Variants in ERC1 observed in about 807,000 individuals in gnomAD.
ERC1 encodes RAB6 interacting protein 2.
A neutral mutation model predicts 132.0 loss-of-function variants in ERC1; 56 were observed. That is an observed-to-expected ratio of 0.42 (90% CI 0.34 to 0.53). The LOEUF is 0.53. Among genes scored for constraint, ERC1 ranks in the 20% least tolerant of loss-of-function variants. ERC1 has a pLI of 0.03. For synonymous variants in ERC1, 478 were observed against 476.1 expected (o/e 1.00, Z -0.05); for missense variants, 1,202 against 1,349.9 (o/e 0.89, Z 1.72).
chr12:1,048,887 A>G (rs1457267849), intron 2 of ERC1, among the ~76,000 whole-genome samples: 1 of 152,198 alleles, frequency 6.6e-6, no homozygotes, highest in Admixed American at 6.5e-5. Flanking sequence ...GTGGTATTGA[A>G]CTTGTGATTG....
intron 17 of ERC1, among the ~76,000 whole-genome samples, chr12:1,438,290 G>A (rs942141415): frequency 6.6e-6 from 1 of 152,120 alleles, no homozygotes; most frequent in Non-Finnish European, 1.5e-5. Flanking sequence ...TTATTTTCTC[G>A]CATCTTTTAC....
chr12:1,255,067 A>G (rs566451485), intron 13 of ERC1, among the ~76,000 whole-genome samples: 52 of 150,886 alleles, frequency 3.4e-4, no homozygotes, highest in Middle Eastern at 3.4e-3. Flanking sequence ...TACATTAGCT[A>G]TTTTCTCCTA....
At chr12:1,364,472 A>G (rs1319134400) in intron 15 of ERC1, among the ~76,000 whole-genome samples, 2 of 152,210 alleles carry the variant, frequency 1.3e-5, no homozygotes, top group Middle Eastern at 3.2e-3. Context: ...TTTATTCCTT[A>G]GGCCACCATT....
At chr12:1,471,841 A>C (rs1414861515) in intron 18 of ERC1, among the ~76,000 whole-genome samples, 4 of 152,182 alleles carry the variant, frequency 2.6e-5, no homozygotes, top group African/African-American at 7.2e-5. Flanking sequence ...CTTTTTCTCC[A>C]TGGAGAGCTT....
intron 7 of ERC1, among the ~76,000 whole-genome samples, chr12:1,119,113 A>C (rs774245157): frequency 9.2e-5 from 14 of 152,178 alleles, no homozygotes; most frequent in Admixed American, 2.6e-4. Flanking sequence ...TCCTGAGCTC[A>C]AGCAATCCTC....
At chr12:1,160,014 G>T (rs1951744298) in intron 8 of ERC1, among the ~76,000 whole-genome samples, 2 of 152,240 alleles carry the variant, frequency 1.3e-5, no homozygotes, top group Middle Eastern at 3.4e-3. Flanking sequence ...ATTTCATTCA[G>T]CCAATTACTC....
At chr12:1,149,764 T>C (rs778074191) in intron 8 of ERC1, among the ~76,000 whole-genome samples, 2 of 152,150 alleles carry the variant, frequency 1.3e-5, no homozygotes, top group Admixed American at 6.5e-5. Context: ...TAGAGACAAA[T>C]ACATAGATAT....
At chr12:1,263,442 C>T (rs1041526483) in intron 14 of ERC1, among the ~76,000 whole-genome samples, 3 of 152,038 alleles carry the variant, frequency 2.0e-5, no homozygotes, top group Non-Finnish European at 2.9e-5. Flanking sequence ...GTGCCCTGTT[C>T]CTAGATAAAT....
intron 7 of ERC1, among the ~76,000 whole-genome samples, chr12:1,137,469 A>G (rs1002449049): frequency 5.3e-5 from 8 of 152,104 alleles, no homozygotes; most frequent in African/African-American, 7.2e-5. Flanking sequence ...TCACAGTTTT[A>G]TCATCTTTTA....
intron 14 of ERC1, among the ~76,000 whole-genome samples, chr12:1,270,332 C>T (rs1415490236): frequency 6.6e-6 from 1 of 152,102 alleles, no homozygotes; most frequent in Non-Finnish European, 1.5e-5. Flanking sequence ...CTCAGCCTCC[C>T]AAGTAGCTGG....
rs1476750163 is a variant in ERC1 at position 1,444,725 on chromosome 12, A to G, written c.3188A>G (p.Glu1063Gly). The change falls in exon 18 of 19, where the codon GAG becomes GGG. Residue 1063 changes from glutamate (E) to glycine (G), a missense_variant. Transcript: ENST00000360905. ...LDDDQAAWEN[E>G]LQKMTRGQLQ... ...GATGACCAGGCGGCTTGGGAGAATGAGCTGCAGAAGATGACCCGGGGGCAG... is the reference window on the plus strand; with the variant it reads ...GATGACCAGGCGGCTTGGGAGAATGGGCTGCAGAAGATGACCCGGGGGCAG... 1 of 1,613,798 alleles carries G rather than the reference A, an allele frequency of 6.2e-7. No homozygotes were observed. Among genetic ancestry groups the G allele is most frequent in the Non-Finnish European group, 8.5e-7 (1 of 1,179,970 alleles).
intron 15 of ERC1, among the ~76,000 whole-genome samples, chr12:1,361,705 G>A (rs1299420425): frequency 6.6e-6 from 1 of 152,118 alleles, no homozygotes; most frequent in Non-Finnish European, 1.5e-5. Context: ...GCAAAACTCT[G>A]GAACATTGGG....
chr12:1,147,805 G>A (rs1593710845), intron 8 of ERC1, among the ~76,000 whole-genome samples: 1 of 152,108 alleles, frequency 6.6e-6, no homozygotes, highest in Non-Finnish European at 1.5e-5. Flanking sequence ...ACAAAGACTC[G>A]ATTCACCACT....
chr12:1,137,221 C>G (rs1218897242), intron 7 of ERC1, among the ~76,000 whole-genome samples: 1 of 151,002 alleles, frequency 6.6e-6, no homozygotes, highest in African/African-American at 2.4e-5. Flanking sequence ...GCCTCAGCCT[C>G]CCGAGTAGCT....
chr12:1,360,321 C>T (rs533229434), intron 15 of ERC1, among the ~76,000 whole-genome samples: 1 of 152,162 alleles, frequency 6.6e-6, no homozygotes, highest in Non-Finnish European at 1.5e-5. Context: ...GTAGAAGAAT[C>T]TTTCTATCAA....
At position 1,028,371 on chromosome 12, in the gene ERC1, A is replaced by G; in HGVS notation, c.468A>G (p.Thr156=). The stretch of plus-strand genomic sequence containing the variant: ...ATAACACAATCATGGATCTGCAGAC[A>G]CAGCTGAAGGAAGTATTAAGAGAAA... The part of the protein sequence containing the change: ...ARDNTIMDLQ[T]QLKEVLREND... The change falls in exon 2 of 19, where the codon ACA becomes ACG. Residue 156 remains threonine (T), a synonymous_variant. Transcript: ENST00000360905. 2 of 1,613,912 alleles carry G rather than the reference A, an allele frequency of 1.2e-6. No individual in the cohort carries two copies. The highest frequency in any genetic ancestry group is 1.7e-6 in the Non-Finnish European group (2 of 1,179,792).
chr12:1,006,523 CA>C (rs797021750), intron 1 of ERC1, among the ~76,000 whole-genome samples: 17 of 152,232 alleles, frequency 1.1e-4, no homozygotes, highest in African/African-American at 4.1e-4. Context: ...GCTGGGACTA[CA>C]GGGGCGTGCC....
chr12:1,379,417 A>T (rs554684408), intron 16 of ERC1, among the ~76,000 whole-genome samples: 39 of 152,288 alleles, frequency 2.6e-4, no homozygotes, highest in African/African-American at 8.7e-4. Context: ...GTGAACAGCC[A>T]ATTCAGGGCA....
chr12:1,320,728 A>C (rs566768659), intron 15 of ERC1, among the ~76,000 whole-genome samples: 155 of 152,160 alleles, frequency 1.0e-3, no homozygotes, highest in African/African-American at 3.2e-3. Flanking sequence ...TTGAGACGGA[A>C]TCTCACTCTG....
Sources: gnomAD v4.1 joint callset for allele counts (sites outside exome capture counted in the v4.1 genomes callset) on GRCh38, gnomAD v4.1.1 for gene constraint, MANE v1.5 for transcripts, NCBI Gene and HGNC (gene_info 2026-07-23, HGNC 2026-07-21) for gene names.